The following MAP4K4 variants were observed in gnomAD, a reference collection of about 807,000 sequenced individuals.
MAP4K4 encodes HPK/GCK-like kinase HGK.
In MAP4K4, 38 loss-of-function variants were observed where a neutral mutation model predicts 189.6. The ratio of observed to expected loss-of-function variants is 0.20; its 90% CI spans 0.15 to 0.26. The LOEUF is 0.26. Ranked by LOEUF, MAP4K4 falls within the 10% of genes least tolerant of loss-of-function variation. MAP4K4 has a pLI of 1.00. For synonymous variants in MAP4K4, 610 were observed against 624.3 expected, an observed-to-expected ratio of 0.98 and a Z score of 0.34; for missense variants, 1,054 against 1,726.9, an observed-to-expected ratio of 0.61 and a Z score of 6.91.
chr2:101,831,920 A>G (rs932027555), intron 7 of MAP4K4, 69 bp downstream of exon 7: 10 of 1,550,324 alleles, frequency 6.5e-6, no homozygotes, highest in South Asian at 3.6e-5. Flanking sequence ...GGCTTTGCTT[A>G]TAAATTGCAC....
At chr2:101,806,726 C>T (rs2094976244) in intron 3 of MAP4K4, among the ~76,000 whole-genome samples, 1 of 152,182 alleles carries the variant, frequency 6.6e-6, no homozygotes, top group South Asian at 2.1e-4. Context: ...TTTGTTCACT[C>T]ACTGAAGATG....
intron 2 of MAP4K4, among the ~76,000 whole-genome samples, chr2:101,708,067 A>G (rs1282927293): frequency 6.6e-6 from 1 of 152,104 alleles, no homozygotes; most frequent in Non-Finnish European, 1.5e-5. Context: ...AGGTTACTGG[A>G]CTAAAGTGGT....
chr2:101,822,387 C>G (rs919881612), intron 3 of MAP4K4, among the ~76,000 whole-genome samples: 2 of 152,168 alleles, frequency 1.3e-5, no homozygotes, highest in Non-Finnish European at 2.9e-5. Flanking sequence ...TAGTGCATGA[C>G]TGTAGTATAA....
chr2:101,859,853 C>A (rs751991039), exon 15 of MAP4K4: 2 of 1,602,682 alleles, frequency 1.2e-6, no homozygotes, highest in African/African-American at 2.7e-5. Flanking sequence ...GCCTGCTGAC[C>A]GAGCGCGAGA....
chr2:101,858,987 G>A lies in MAP4K4; in HGVS notation c.1396-9G>A. 6.2e-7 allele frequency: 1 copy of A among 1,602,848 alleles called. No individual in the cohort carries two copies. Among genetic ancestry groups the A allele is most frequent in the Middle Eastern group, 1.7e-4 (1 of 6,034 alleles). On this transcript the variant is annotated splice_polypyrimidine_tract_variant and intron_variant, in intron 13 of 32. Transcript: ENST00000324219. ...ATAATTTGATTGCTGGGTGATTTCT[G>A]TGTGACAGGAGTATATCAGGCGACA...
At chr2:101,790,676 A>G (rs759856774) in intron 2 of MAP4K4, 44 bp from the exon 3 acceptor site, 1 of 1,479,704 alleles carries the variant, frequency 6.8e-7, no homozygotes, top group Non-Finnish European at 9.3e-7. Flanking sequence ...TGATTGTGCA[A>G]AAAAATTGGT....
intron 2 of MAP4K4, among the ~76,000 whole-genome samples, chr2:101,729,141 A>G (rs1464863222): frequency 9.1e-6 from 1 of 109,298 alleles, no homozygotes; most frequent in East Asian, 3.5e-4. Context: ...TCCTGTTCCC[A>G]CTCTCCCTCC....
chr2:101,763,223 G>A (rs1166549394), intron 2 of MAP4K4, among the ~76,000 whole-genome samples: 1 of 152,214 alleles, frequency 6.6e-6, no homozygotes, highest in Non-Finnish European at 1.5e-5. Flanking sequence ...ACAAGAAGGA[G>A]AAGTTGTGTA....
chr2:101,888,321 C>T (rs1577492447), intron 31 of MAP4K4, among the ~76,000 whole-genome samples: 1 of 152,304 alleles, frequency 6.6e-6, no homozygotes, highest in East Asian at 1.9e-4. Flanking sequence ...GCACAGAATG[C>T]TAGAGCCATA....
At chr2:101,833,380 G>A (rs571206381) in intron 7 of MAP4K4, among the ~76,000 whole-genome samples, 2 of 152,204 alleles carry the variant, frequency 1.3e-5, no homozygotes, top group African/African-American at 4.8e-5. Context: ...CAGCACTTTG[G>A]GAGGCCGAGG....
At chr2:101,710,941 G>A (rs2149303452) in intron 2 of MAP4K4, among the ~76,000 whole-genome samples, 1 of 152,306 alleles carries the variant, frequency 6.6e-6, no homozygotes, top group African/African-American at 2.4e-5. Flanking sequence ...CTCTCAGGAA[G>A]CCTTGCCTCC....
chr2:101,803,712 A>G (rs1252137284), intron 3 of MAP4K4, among the ~76,000 whole-genome samples: 1 of 152,260 alleles, frequency 6.6e-6, no homozygotes. Context: ...TAGTAGCAAC[A>G]TACACAGGAT....
At chr2:101,786,364 C>A (rs773542331) in intron 2 of MAP4K4, among the ~76,000 whole-genome samples, 5 of 151,800 alleles carry the variant, frequency 3.3e-5, no homozygotes, top group African/African-American at 9.7e-5. Flanking sequence ...CCATTTTCTT[C>A]AGCTTGGACC....
rs1025685973 is a variant in MAP4K4, at chr2:101,799,483, T to G, written c.180+8707T>G. Among the ~76,000 whole-genome samples the G allele has an allele frequency of 5.9e-5, 9 of 152,156 alleles. 1 individual carries two copies. In the East Asian group the frequency reaches 1.7e-3, roughly 29 times the overall value. ...CTCCTTGTCTTTCTTCCTTGCAGGC[T>G]CCTTCTTCAGCCCCTCTGTGGTTAC... On this transcript the variant is annotated intron_variant, in intron 3 of 32. Coordinates refer to ENST00000324219, the Ensembl canonical transcript of MAP4K4.
chr2:101,875,711 G>T (rs1451766318), intron 26 of MAP4K4, among the ~76,000 whole-genome samples: 1 of 152,124 alleles, frequency 6.6e-6, no homozygotes, highest in Admixed American at 6.5e-5. Context: ...AGGAATGTAG[G>T]GTCATCTGTG....
intron 20 of MAP4K4, chr2:101,867,667 T>C (rs2097855339): frequency 2.8e-6 from 1 of 361,242 alleles, no homozygotes; most frequent in Non-Finnish European, 5.0e-6. Flanking sequence ...AGCCTTTTTA[T>C]CTCTTTCTTG....
intron 2 of MAP4K4, among the ~76,000 whole-genome samples, chr2:101,735,621 G>A (rs1434324789): frequency 6.6e-6 from 1 of 152,140 alleles, no homozygotes; most frequent in African/African-American, 2.4e-5. Flanking sequence ...GCCCATGGGA[G>A]GCCGTCTTTG....
chr2:101,763,241 T>A (rs575387437), intron 2 of MAP4K4, among the ~76,000 whole-genome samples: 1 of 152,218 alleles, frequency 6.6e-6, no homozygotes, highest in South Asian at 2.1e-4. Context: ...GTAGCACTTA[T>A]ACTTACCTAC....
At chr2:101,729,757 CCTT>C (rs917403784) in intron 2 of MAP4K4, among the ~76,000 whole-genome samples, 4 of 152,160 alleles carry the variant, frequency 2.6e-5, no homozygotes, top group African/African-American at 9.7e-5. Flanking sequence ...ACCACCCGCT[CCTT>C]GATTTGGCAT....
Sources: gnomAD v4.1 joint callset for allele counts (sites outside exome capture counted in the v4.1 genomes callset) on GRCh38, gnomAD v4.1.1 for gene constraint, MANE v1.5 for transcripts, NCBI Gene and HGNC (gene_info 2026-07-23, HGNC 2026-07-21) for gene names.